Variants in PDE7B observed in about 807,000 individuals in gnomAD.
PDE7B encodes the protein phosphodiesterase 7B.
A neutral mutation model predicts 56.2 loss-of-function variants in PDE7B; 29 were observed. The observed-to-expected ratio is 0.52, with a 90% CI of 0.38 to 0.70. The LOEUF (loss-of-function observed/expected upper bound fraction) is 0.70. Among genes scored for constraint, PDE7B ranks in the 30% least tolerant of loss-of-function variants. The pLI, the probability that PDE7B is intolerant of heterozygous loss-of-function variation, is 0.00. For missense variants in PDE7B, 490 were observed against 565.0 expected (o/e 0.87, Z 1.35); for synonymous variants, 197 against 196.9 (o/e 1.00, Z 0.00).
intron 12 of PDE7B, among the ~76,000 whole-genome samples, chr6:136,189,117 C>T (rs1428963350): frequency 4.6e-5 from 7 of 151,098 alleles, no homozygotes; most frequent in Non-Finnish European, 8.9e-5. Flanking sequence ...TTTTTCCTGC[C>T]TCAATCCAAA....
chr6:136,122,993 C>T lies in PDE7B; in HGVS notation c.166+14179C>T, dbSNP rs545995165. On this transcript the variant is annotated intron_variant, in intron 3 of 12. Transcript: ENST00000308191. ...ATTCACTCCATTCGTATTTACTGAGCACCTATGTGTCAGGCGCTCTTCTAA... is the reference window on the plus strand; with the variant it reads ...ATTCACTCCATTCGTATTTACTGAGTACCTATGTGTCAGGCGCTCTTCTAA... Among the ~76,000 whole-genome samples, 59 of 152,318 alleles carry T rather than the reference C, an allele frequency of 3.9e-4. No homozygotes were observed. In the South Asian group the frequency reaches 0.012, roughly 31 times the overall value.
chr6:135,854,091 G>A (rs1044483097), intron 1 of PDE7B, among the ~76,000 whole-genome samples: 2 of 152,144 alleles, frequency 1.3e-5, no homozygotes, highest in African/African-American at 4.8e-5. Context: ...AAATGCAAAA[G>A]TAAAATGACC....
At chr6:136,091,611 C>A (rs944997651) in intron 2 of PDE7B, among the ~76,000 whole-genome samples, 8 of 152,194 alleles carry the variant, frequency 5.3e-5, no homozygotes, top group African/African-American at 1.9e-4. Context: ...AGTGTGTTAA[C>A]CTCAAGAAGT....
At chr6:136,105,485 AAAT>A (rs966494830) in intron 2 of PDE7B, among the ~76,000 whole-genome samples, 25 of 152,326 alleles carry the variant, frequency 1.6e-4, no homozygotes, top group African/African-American at 5.1e-4. Context: ...TAAAGCTGTC[AAAT>A]AATAATAATA....
intron 1 of PDE7B, among the ~76,000 whole-genome samples, chr6:135,912,976 G>C (rs1335077406): frequency 6.6e-6 from 1 of 152,072 alleles, no homozygotes. Context: ...CTAGAAATGA[G>C]AACATCCTGG....
rs559769128 is a variant in PDE7B, at chr6:136,195,455, G to GAAAAAAAA, written c.*3630_*3637dup. On this transcript the variant is annotated 3_prime_UTR_variant, in exon 13 of 13. Transcript: ENST00000308191. ...CATTTTGTATACACATGTGAGGTTTGAAAAAAAAAAAAAAAAAAAAAAGAA... is the reference window on the plus strand; with the variant it reads ...CATTTTGTATACACATGTGAGGTTTGAAAAAAAAAAAAAAAAAAAAAAAAAAAAAAGAA... The GAAAAAAAA allele has an allele frequency of 3.0e-4, 21 of 68,966 alleles. No homozygotes were observed. The highest frequency in any genetic ancestry group is 8.2e-4 in the African/African-American group (19 of 23,278). 4.3% of individuals were successfully genotyped at this position (68,966 alleles called of 1,614,324 possible).
chr6:136,000,648 T>G (rs1775649871), intron 2 of PDE7B, among the ~76,000 whole-genome samples: 1 of 152,236 alleles, frequency 6.6e-6, no homozygotes, highest in Admixed American at 6.5e-5. Context: ...TTTTGGTTAC[T>G]GTAGCCCTGT....
intron 3 of PDE7B, among the ~76,000 whole-genome samples, chr6:136,141,563 G>C (rs1288190139): frequency 7.9e-5 from 12 of 152,162 alleles, no homozygotes; most frequent in East Asian, 1.9e-4. Context: ...CCTTGTACCT[G>C]TGGTAGAATT....
At chr6:136,137,417 G>A (rs1023004302) in intron 3 of PDE7B, among the ~76,000 whole-genome samples, 1 of 152,082 alleles carries the variant, frequency 6.6e-6, no homozygotes, top group African/African-American at 2.4e-5. Context: ...ACTGATGCTC[G>A]AAAGTGCTAA....
intron 1 of PDE7B, among the ~76,000 whole-genome samples, chr6:135,941,257 T>C (rs1192219498): frequency 6.6e-6 from 1 of 152,214 alleles, no homozygotes; most frequent in Non-Finnish European, 1.5e-5. Context: ...GTTTGATTTT[T>C]TTTTTCCCCA....
At chr6:135,888,330 G>C (rs935910455) in intron 1 of PDE7B, among the ~76,000 whole-genome samples, 1 of 152,044 alleles carries the variant, frequency 6.6e-6, no homozygotes, top group Admixed American at 6.6e-5. Context: ...GCAAATCTAG[G>C]TACCTAACCA....
rs1583902083 is a variant in PDE7B at position 136,138,318 on chromosome 6, T to C, written c.167-9033T>C. Among the ~76,000 whole-genome samples the C allele has an allele frequency of 2.0e-5, 3 of 152,112 alleles. No homozygotes were observed. In the South Asian group the frequency reaches 6.2e-4, roughly 32 times the overall value. Reference sequence around the variant, plus strand: ...AAATATATCAGATCTTTATCAATAATTGATTAACACATTTAAATACTTCAA... The same window carrying C: ...AAATATATCAGATCTTTATCAATAACTGATTAACACATTTAAATACTTCAA... On this transcript the variant is annotated intron_variant, in intron 3 of 12. Coordinates refer to ENST00000308191, the MANE Select transcript of PDE7B (RefSeq NM_018945.4).
chr6:136,145,755 A>T (rs369034058), intron 3 of PDE7B, among the ~76,000 whole-genome samples: 93 of 152,170 alleles, frequency 6.1e-4, no homozygotes, highest in African/African-American at 2.2e-3. Flanking sequence ...AGTCCTCTTT[A>T]ATTTTCCCTA....
chr6:135,964,526 A>G (rs938268746), intron 2 of PDE7B, among the ~76,000 whole-genome samples: 1 of 152,214 alleles, frequency 6.6e-6, no homozygotes, highest in Admixed American at 6.5e-5. Context: ...GTGTCAAGTA[A>G]CAGTCATATA....
intron 2 of PDE7B, among the ~76,000 whole-genome samples, chr6:136,052,977 C>T (rs1776659130): frequency 6.6e-6 from 1 of 152,118 alleles, no homozygotes; most frequent in South Asian, 2.1e-4. Context: ...ATCCCATTGG[C>T]TCCACTGAAT....
chr6:135,881,701 A>C (rs1280996313), intron 1 of PDE7B, among the ~76,000 whole-genome samples: 1 of 152,238 alleles, frequency 6.6e-6, no homozygotes, highest in East Asian at 1.9e-4. Context: ...TTGTACAGAC[A>C]TCAGAATTGA....
Position 136,181,318 on chromosome 6 carries a change from G to A in PDE7B, c.1040G>A (p.Arg347Lys). The change falls in exon 11 of 13, where the codon AGG becomes AAG. Residue 347 changes from arginine to lysine, a missense_variant. By Grantham distance (26) the Arg-to-Lys change is conservative (BLOSUM62 2). Coordinates refer to ENST00000308191, the MANE Select transcript of PDE7B (RefSeq NM_018945.4). ...GAAAGGGTCTGTGAAGAATTCTACA[G>A]GCAAGGTTAGTAGTGATCCAACAGC... is the stretch of plus-strand genomic sequence containing the variant. ...WSERVCEEFYRQGELEQKFEL... is the reference protein window; with the variant it reads ...WSERVCEEFYKQGELEQKFEL... 6.3e-7 allele frequency: 1 copy of A among 1,594,852 alleles called. No homozygotes were observed. The highest frequency in any genetic ancestry group is 8.6e-7 in the Non-Finnish European group (1 of 1,162,392).
chr6:135,934,429 A>AAC (rs1554267932), intron 1 of PDE7B, among the ~76,000 whole-genome samples: 3 of 151,678 alleles, frequency 2.0e-5, no homozygotes, highest in Non-Finnish European at 4.4e-5. Flanking sequence ...TGCTGTTTAA[A>AAC]ATATATATAT....
rs549006047 is a variant in PDE7B, at chr6:136,001,964, C to T, written c.82+54440C>T. 2.2e-4 allele frequency among the ~76,000 whole-genome samples: 33 copies of T among 152,176 alleles called. No individual in the cohort carries two copies. The South Asian group carries it at 6.7e-3, about 31-fold the overall frequency. On this transcript the variant is annotated intron_variant, in intron 2 of 12. Transcript: ENST00000308191. ...GCAGCCAGAGAGAAAGGTCGGGTTA[C>T]CCACAAAGGGAAGCCCATCAGACTA...
Sources: gnomAD v4.1 joint callset for allele counts (sites outside exome capture counted in the v4.1 genomes callset) on GRCh38, gnomAD v4.1.1 for gene constraint, MANE v1.5 for transcripts, NCBI Gene and HGNC (gene_info 2026-07-23, HGNC 2026-07-21) for gene names.